Variants in SLC6A3 observed in about 807,000 individuals in gnomAD.
The protein encoded by SLC6A3 is sodium-dependent dopamine transporter.
Under a neutral mutation model 70.4 loss-of-function variants are expected in SLC6A3, and 19 were observed. That is an observed-to-expected ratio of 0.27 (90% confidence interval 0.19 to 0.40). SLC6A3 has a LOEUF of 0.40. SLC6A3 is among the 10% of genes least tolerant of loss of function. The pLI is 1.00. For missense variants in SLC6A3, 613 were observed against 838.5 expected (o/e 0.73, Z 3.32); for synonymous variants, 368 against 356.6 (o/e 1.03, Z -0.36).
In SLC6A3 at chr5:1,394,782, A is replaced by G. The variant is rs182570784; in HGVS notation, c.1840-24T>C. 1.3e-3 allele frequency: 2,018 copies of G among 1,613,954 alleles called. 4 individuals carry two copies. The highest frequency in any genetic ancestry group is 1.5e-3 in the Non-Finnish European group (1,780 of 1,179,854). On this transcript the variant is annotated intron_variant, in intron 14 of 14. Transcript: ENST00000270349. This position sits in a 1 kb window ranked among gnomAD's most constrained non-coding sequence, Gnocchi z 4.7. ...AGCTGGAAAGAAAACAGGTTTAGTCAGAAACCCTGGGGCGATGCCCCATTT... is the reference window on the plus strand; with the variant it reads ...AGCTGGAAAGAAAACAGGTTTAGTCGGAAACCCTGGGGCGATGCCCCATTT...
chr5:1,420,159 G>A (rs1478249613), intron 6 of SLC6A3, among the ~76,000 whole-genome samples: 1 of 152,188 alleles, frequency 6.6e-6, no homozygotes, highest in East Asian at 1.9e-4. Flanking sequence ...GATGCCCCAA[G>A]GGAGCTGCCA....
chr5:1,402,889 A>C lies in SLC6A3; in HGVS notation c.1767+33T>G. ...CACGGAGCCTTTCTGGTGGCCTCAC[A>C]CTCGGGTGAAGGCGCCCCGTCCAAA... On this transcript the variant is annotated intron_variant, in intron 13 of 14. Transcript: ENST00000270349. The surrounding 1 kb of genome is among the most constrained non-coding windows in gnomAD (Gnocchi z 8.5). 6.2e-7 allele frequency: 1 copy of C among 1,609,210 alleles called. No individual in the cohort carries two copies. The highest frequency in any genetic ancestry group is 1.1e-5 in the South Asian group (1 of 90,644).
chr5:1,415,888 C>T (rs1483523969), intron 7 of SLC6A3, among the ~76,000 whole-genome samples: 3 of 152,204 alleles, frequency 2.0e-5, no homozygotes, highest in African/African-American at 7.2e-5. Flanking sequence ...GGCGACACAC[C>T]CACTGGCTTC....
At position 1,403,063 on chromosome 5, in the gene SLC6A3, G is replaced by T. The variant is rs1190434508; in HGVS notation, c.1626C>A (p.Thr542=). ...AGGCTCCGTAGTGGGGGGGTCTGAAGGTCACAATGCTGACCACGACCACGA... is the reference window on the plus strand; with the variant it reads ...AGGCTCCGTAGTGGGGGGGTCTGAATGTCACAATGCTGACCACGACCACGA... ...LLFVVVVSIV[T]FRPPHYGAYI... Residue 542 remains threonine (T), a synonymous_variant, in exon 13 of 15, where the codon ACC becomes ACA. Coordinates refer to ENST00000270349, the MANE Select transcript of SLC6A3 (RefSeq NM_001044.5). The T allele has an allele frequency of 1.9e-6, 3 of 1,613,698 alleles. No individual in the cohort carries two copies. The highest frequency in any genetic ancestry group is 2.5e-6 in the Non-Finnish European group (3 of 1,180,022).
At chr5:1,441,288 G>A in intron 3 of SLC6A3, 71 bp downstream of exon 3, 1 of 1,595,560 alleles carries the variant, frequency 6.3e-7, no homozygotes, top group East Asian at 2.2e-5. Flanking sequence ...CGGCTGGCTT[G>A]CTTTGAAAGC....
intron 4 of SLC6A3, among the ~76,000 whole-genome samples, chr5:1,430,585 C>T (rs1181842034): frequency 1.3e-5 from 2 of 152,234 alleles, no homozygotes; most frequent in Non-Finnish European, 2.9e-5. Flanking sequence ...TGCCCGAAGG[C>T]TCCATCTCAG....
intron 5 of SLC6A3, 125 bp from the exon 6 acceptor site, chr5:1,420,828 A>G: frequency 1.0e-6 from 1 of 994,090 alleles, no homozygotes; most frequent in Non-Finnish European, 1.6e-6. Flanking sequence ...ATTCCCAAAC[A>G]TTTCCTGGGA....
At chr5:1,407,916 C>T (rs1374594100) in intron 11 of SLC6A3, among the ~76,000 whole-genome samples, 1 of 152,212 alleles carries the variant, frequency 6.6e-6, no homozygotes, top group Non-Finnish European at 1.5e-5. Context: ...AAAATGACCC[C>T]CTTGTTTGCA....
rs749235114 is a variant in SLC6A3 at position 1,414,734 on chromosome 5, C to T, written c.1113G>A (p.Met371Ile). 6.2e-7 allele frequency: 1 copy of T among 1,612,810 alleles called. No homozygotes were observed. The highest frequency in any genetic ancestry group is 1.7e-4 in the Middle Eastern group (1 of 6,058). ...CGATGGGCACACTGTGCTTCTGTGC[C>T]ATGTACCCCAGGAAGGAGAAGACGA... The part of the protein sequence containing the change: ...GFVVFSFLGY[M>I]AQKHSVPIGD... Residue 371 changes from methionine to isoleucine, a missense_variant, in exon 8 of 15, where the codon ATG (methionine) becomes ATA (isoleucine). By Grantham distance (10) the Met-to-Ile change is conservative. Around this residue, in one of 4 missense-constraint regions of SLC6A3, gnomAD observed 348 missense variants for 481.2 expected, o/e 0.72. Coordinates refer to ENST00000270349, the MANE Select transcript of SLC6A3 (RefSeq NM_001044.5).
intron 4 of SLC6A3, among the ~76,000 whole-genome samples, chr5:1,424,829 T>G (rs1756541914): frequency 6.6e-6 from 1 of 152,218 alleles, no homozygotes; most frequent in African/African-American, 2.4e-5. Context: ...TGAGGTTATT[T>G]GAAAACCCAC....
At chr5:1,414,404 G>C in intron 8 of SLC6A3, among the ~76,000 whole-genome samples, 1 of 150,376 alleles carries the variant, frequency 6.6e-6, no homozygotes, top group Non-Finnish European at 1.5e-5. Flanking sequence ...TGGGTGGGGG[G>C]GCCTGGAGGG....
rs1431704510 is a variant in SLC6A3 at position 1,406,026 on chromosome 5, A to G, written c.1599+162T>C. Among the ~76,000 whole-genome samples the G allele has an allele frequency of 1.3e-5, 2 of 152,172 alleles. No homozygotes were observed. The highest frequency in any genetic ancestry group is 2.9e-5 in the Non-Finnish European group (2 of 68,028). On this transcript the variant is annotated intron_variant, in intron 12 of 14. Transcript: ENST00000270349. The surrounding 1 kb of genome is among the most constrained non-coding windows in gnomAD (Gnocchi z 8.8). ...GGGTGGAAGCCACCTTAAGGAGACT[A>G]TAGATGAGTTCAGGGATCAGCCTGT...
chr5:1,412,033 C>CACAG (rs2126345986), intron 8 of SLC6A3, among the ~76,000 whole-genome samples: 1 of 151,862 alleles, frequency 6.6e-6, no homozygotes, highest in African/African-American at 2.4e-5. Flanking sequence ...CAAACATACA[C>CACAG]AAACACACAC....
rs756737267 is a variant in SLC6A3 at position 1,409,859 on chromosome 5, G to A, written c.1270-10C>T. 9 of 1,613,092 alleles carry A rather than the reference G, an allele frequency of 5.6e-6. No individual in the cohort carries two copies. In the Admixed American group the frequency reaches 1.0e-4, roughly 18 times the overall value. ...ACTCCATACCACCCATCTGCACACA[G>A]AGCACAGGGTCGGGCTGCAGGCTGG... is the stretch of plus-strand genomic sequence containing the variant. On this transcript the variant is annotated splice_polypyrimidine_tract_variant and intron_variant, in intron 9 of 14. Transcript: ENST00000270349.
In SLC6A3 at chr5:1,394,634, G is replaced by C; in HGVS notation, c.*101C>G. ...TTGTGTTTTCAGTAGAGGTTGAAGA[G>C]TAGAAGTTGCCCTCCTTTCTCTCGA... On this transcript the variant is annotated 3_prime_UTR_variant, in exon 15 of 15. Coordinates refer to ENST00000270349, the MANE Select transcript of SLC6A3 (RefSeq NM_001044.5). This position sits in a 1 kb window ranked among gnomAD's most constrained non-coding sequence, Gnocchi z 4.7. 8.9e-7 allele frequency: 1 copy of C among 1,126,130 alleles called. No individual in the cohort carries two copies. The highest frequency in any genetic ancestry group is 2.3e-5 in the East Asian group (1 of 42,766). 69.8% of individuals were successfully genotyped at this position (1,126,130 alleles called of 1,614,324 possible). A position where few individuals can be genotyped will look rare whatever the true frequency, so the allele number is the denominator to read the frequency against.
chr5:1,414,805 C>G lies in SLC6A3; in HGVS notation c.1042G>C (p.Val348Leu), dbSNP rs1756241093. The change falls in exon 8 of 15, where the codon GTC (valine) becomes CTC (leucine). Residue 348 changes from valine to leucine, a missense_variant. Around this residue, in one of 4 missense-constraint regions of SLC6A3, gnomAD observed 348 missense variants for 481.2 expected, o/e 0.72. Coordinates refer to ENST00000270349, the MANE Select transcript of SLC6A3 (RefSeq NM_001044.5). ...FTNNCYRDAIVTTSINSLTSF... is the reference protein window; with the variant it reads ...FTNNCYRDAILTTSINSLTSF... Reference sequence around the variant, plus strand: ...GTCAGGGAGTTGATGGAGGTGGTGACAATCGCGTCCCTGTAAGAACAAGAC... The same window carrying G: ...GTCAGGGAGTTGATGGAGGTGGTGAGAATCGCGTCCCTGTAAGAACAAGAC... 1.9e-6 allele frequency: 3 copies of G among 1,612,904 alleles called. No individual in the cohort carries two copies. Among genetic ancestry groups the G allele is most frequent in the Non-Finnish European group, 2.5e-6 (3 of 1,179,852 alleles).
At chr5:1,424,585 GC>G (rs1236140001) in intron 4 of SLC6A3, among the ~76,000 whole-genome samples, 3 of 152,180 alleles carry the variant, frequency 2.0e-5, no homozygotes, top group African/African-American at 7.2e-5. Context: ...CTCTCCCCTT[GC>G]CCAGGTGCCT....
At position 1,443,106 on chromosome 5, in the gene SLC6A3, A is replaced by G. The variant is rs1733720259; in HGVS notation, c.92T>C (p.Leu31Pro). 1 of 1,614,026 alleles carries G rather than the reference A, an allele frequency of 6.2e-7. No individual in the cohort carries two copies. The change falls in exon 2 of 15, where the codon CTC becomes CCC. Residue 31 changes from leucine to proline, a missense_variant. Physicochemically the swap from Leu to Pro is moderately conservative, Grantham distance 98 (BLOSUM62 -3). This residue lies in a region of SLC6A3 where 111 missense variants were observed against 91.6 expected (regional missense o/e 1.21). Transcript: ENST00000270349. ...PNAVGPKEVELILVKEQNGVQ... is the reference protein window; with the variant it reads ...PNAVGPKEVEPILVKEQNGVQ... ...TCCGTTCTGCTCCTTGACAAGGATG[A>G]GCTCCACCTCCTTCGGGCCCACGGC... is the stretch of plus-strand genomic sequence containing the variant.
intron 1 of SLC6A3, 60 bp from the exon 2 acceptor site, chr5:1,443,302 T>G: frequency 1.5e-6 from 2 of 1,332,388 alleles, no homozygotes; most frequent in Non-Finnish European, 2.1e-6. Flanking sequence ...CAGCCAGGGC[T>G]AGGGACATAC....
Sources: gnomAD v4.1 joint callset for allele counts (sites outside exome capture counted in the v4.1 genomes callset) on GRCh38, gnomAD v4.1.1 for gene constraint, gnomAD v4.1.1 regional missense constraint, Gnocchi (gnomAD v3.1) non-coding constraint, MANE v1.5 for transcripts, NCBI Gene and HGNC (gene_info 2026-07-23, HGNC 2026-07-21) for gene names.